The following PTPRJ variants were observed in gnomAD, a reference collection of about 807,000 sequenced individuals.
PTPRJ encodes protein tyrosine phosphatase receptor type J, also known as receptor-type tyrosine-protein phosphatase eta.
Under a neutral mutation model 141.3 loss-of-function variants are expected in PTPRJ, and 129 were observed. The observed-to-expected ratio is 0.91, with a 90% CI of 0.79 to 1.06. PTPRJ has a LOEUF of 1.06. PTPRJ is among the 50% of genes least tolerant of loss of function. The pLI is 0.00. For missense variants in PTPRJ, 1,601 were observed against 1,679.7 expected (o/e 0.95, Z 0.82); for synonymous variants, 610 against 640.5 (o/e 0.95, Z 0.72).
At chr11:48,166,345 G>C (rs12294199) in intron 24 of PTPRJ, among the ~76,000 whole-genome samples, 1,605 of 149,750 alleles carry the variant, frequency 0.011, 24 homozygotes, top group African/African-American at 0.037. Context: ...ATGGAGTCTT[G>C]CTCTGTTGCC....
chr11:48,007,694 G>A (rs1854661397), intron 1 of PTPRJ, among the ~76,000 whole-genome samples: 1 of 152,226 alleles, frequency 6.6e-6, no homozygotes, highest in African/African-American at 2.4e-5. Flanking sequence ...ACTGCACCCG[G>A]CTGAGGCCTT....
Position 48,160,270 on chromosome 11 carries a change from T to G in PTPRJ, c.3558+221T>G, listed in dbSNP as rs2277314. On this transcript the variant is annotated intron_variant, in intron 22 of 24. Coordinates refer to ENST00000418331, the MANE Select transcript of PTPRJ (RefSeq NM_002843.4). ...TTTCTTGGGAATAACCTAAGTTATT[T>G]CTGAATAAAATGAATCTTAAGAGCA... Among the ~76,000 whole-genome samples the G allele has an allele frequency of 1.2e-4, 18 of 152,354 alleles. No homozygotes were observed. The East Asian group carries it at 3.5e-3, about 29-fold the overall frequency.
At chr11:47,982,162 G>T (rs1370002911) in intron 1 of PTPRJ, among the ~76,000 whole-genome samples, 6 of 152,166 alleles carry the variant, frequency 3.9e-5, no homozygotes, top group African/African-American at 1.2e-4. Context: ...GTGACCCTCG[G>T]CACCCAAGGG....
In PTPRJ at chr11:48,155,985, G is replaced by A. The variant is rs1427076969; in HGVS notation, c.3304G>A (p.Gly1102Ser). The change falls in exon 21 of 25, where the codon GGC (glycine) becomes AGC (serine). Residue 1102 changes from glycine (G) to serine (S), a missense_variant and splice_region_variant. Coordinates refer to ENST00000418331, the MANE Select transcript of PTPRJ (RefSeq NM_002843.4). The part of the protein sequence containing the change: ...DDYINANYMP[G>S]YHSKKDFIAT... ...ACTATGTGCTGTTTCCCATTTTTAG[G>A]GCTACCACTCCAAGAAAGATTTTAT... 1 of 1,609,700 alleles carries A rather than the reference G, an allele frequency of 6.2e-7. No individual in the cohort carries two copies.
chr11:48,159,313 C>T (rs1489804127), intron 21 of PTPRJ, among the ~76,000 whole-genome samples: 1 of 152,148 alleles, frequency 6.6e-6, no homozygotes, highest in African/African-American at 2.4e-5. Context: ...TGTATTGCAA[C>T]CGATGTATAT....
intron 1 of PTPRJ, among the ~76,000 whole-genome samples, chr11:48,085,974 G>C (rs535479224): frequency 6.6e-6 from 1 of 152,104 alleles, no homozygotes; most frequent in Admixed American, 6.5e-5. Flanking sequence ...TGGGGGTGGG[G>C]TGGTAAGAAA....
At chr11:48,084,086 G>A (rs980120033) in intron 1 of PTPRJ, among the ~76,000 whole-genome samples, 2 of 152,290 alleles carry the variant, frequency 1.3e-5, no homozygotes, top group Middle Eastern at 3.4e-3. Context: ...TGAACAGATC[G>A]CAAACTGGGA....
intron 1 of PTPRJ, among the ~76,000 whole-genome samples, chr11:48,097,487 T>C (rs905316935): frequency 8.5e-5 from 13 of 152,112 alleles, no homozygotes; most frequent in African/African-American, 2.9e-4. Context: ...AGACATAAAA[T>C]GGTAAGATGT....
rs1484591521 is a variant in PTPRJ, at chr11:48,007,735, C to G, written c.96+26727C>G. 2.6e-5 allele frequency among the ~76,000 whole-genome samples: 4 copies of G among 152,208 alleles called. No homozygotes were observed. The South Asian group carries it at 8.3e-4, about 32-fold the overall frequency. On this transcript the variant is annotated intron_variant, in intron 1 of 24. Transcript: ENST00000418331. ...TCTGTGCGTTCCTGCTGTCTTCCCTCCAGGCAGCAGCAAGCTGGTAGGAGC... is the reference window on the plus strand; with the variant it reads ...TCTGTGCGTTCCTGCTGTCTTCCCTGCAGGCAGCAGCAAGCTGGTAGGAGC...
At chr11:48,095,620 C>G (rs1351917294) in intron 1 of PTPRJ, among the ~76,000 whole-genome samples, 3 of 148,960 alleles carry the variant, frequency 2.0e-5, no homozygotes, top group African/African-American at 5.0e-5. Context: ...TGCTCTGTCA[C>G]CCAGGCTGGA....
At chr11:48,080,160 A>G (rs948996115) in intron 1 of PTPRJ, among the ~76,000 whole-genome samples, 3 of 152,210 alleles carry the variant, frequency 2.0e-5, no homozygotes, top group Non-Finnish European at 2.9e-5. Flanking sequence ...CTCATTTTGC[A>G]GATGAGAAAC....
At chr11:48,060,090 T>C (rs993513650) in intron 1 of PTPRJ, among the ~76,000 whole-genome samples, 1 of 152,174 alleles carries the variant, frequency 6.6e-6, no homozygotes, top group African/African-American at 2.4e-5. Flanking sequence ...ATTAGCTTGC[T>C]GTTCGGATTA....
At chr11:48,087,908 G>A (rs984035336) in intron 1 of PTPRJ, among the ~76,000 whole-genome samples, 23 of 152,204 alleles carry the variant, frequency 1.5e-4, no homozygotes, top group African/African-American at 4.8e-4. Context: ...AGCAGCATCA[G>A]CCAGAAGGGC....
intron 1 of PTPRJ, among the ~76,000 whole-genome samples, chr11:48,017,269 T>G (rs1178243920): frequency 6.6e-6 from 1 of 152,076 alleles, no homozygotes; most frequent in Non-Finnish European, 1.5e-5. Flanking sequence ...TTCTGGTAGG[T>G]AGGGGCCATC....
chr11:48,135,577 G>A (rs1187185162), intron 8 of PTPRJ, among the ~76,000 whole-genome samples: 5 of 149,018 alleles, frequency 3.4e-5, no homozygotes, highest in Non-Finnish European at 7.4e-5. Context: ...TGCCTTCTGG[G>A]TTCAAGCGAC....
intron 1 of PTPRJ, among the ~76,000 whole-genome samples, chr11:48,033,727 G>A (rs961577542): frequency 6.6e-6 from 1 of 152,202 alleles, no homozygotes; most frequent in Non-Finnish European, 1.5e-5. Context: ...GGATAGTTGT[G>A]ATGGTAGGTG....
In PTPRJ at chr11:48,092,314, AAAAG is replaced by A. The variant is rs1855890267; in HGVS notation, c.97-17740_97-17737del. ...CATCTCAAAAAAAAAAAAAAAAAAA[AAAAG>A]AAAAAGAAAAAAAGAAATGCAGGTA... On this transcript the variant is annotated intron_variant, in intron 1 of 24. Transcript: ENST00000418331. 5.4e-5 allele frequency among the ~76,000 whole-genome samples: 8 copies of A among 148,438 alleles called. No homozygotes were observed. In the South Asian group the frequency reaches 1.7e-3, roughly 31 times the overall value.
intron 6 of PTPRJ, among the ~76,000 whole-genome samples, chr11:48,126,506 G>A (rs1856834430): frequency 6.6e-6 from 1 of 152,122 alleles, no homozygotes; most frequent in Non-Finnish European, 1.5e-5. Flanking sequence ...GAGGCTGGAA[G>A]TCTGAGACTG....
At chr11:48,001,357 T>C (rs1290516119) in intron 1 of PTPRJ, among the ~76,000 whole-genome samples, 1 of 133,842 alleles carries the variant, frequency 7.5e-6, no homozygotes, top group African/African-American at 3.5e-5. Context: ...AAAGTGTGTG[T>C]GTGTGTGTGT....
Sources: gnomAD v4.1 joint callset for allele counts (sites outside exome capture counted in the v4.1 genomes callset) on GRCh38, gnomAD v4.1.1 for gene constraint, MANE v1.5 for transcripts, NCBI Gene and HGNC (gene_info 2026-07-23, HGNC 2026-07-21) for gene names.